Variants in GK5 observed in about 807,000 individuals in gnomAD.
The protein encoded by GK5 is glycerol kinase 5, also known as ATP:glycerol 3-phosphotransferase 5.
GK5 carries 39 observed loss-of-function variants against 77.3 expected under a neutral mutation model. The ratio of observed to expected loss-of-function variants is 0.50; its 90% CI spans 0.39 to 0.66. The LOEUF is 0.66. Ranked by LOEUF, GK5 falls within the 30% of genes least tolerant of loss-of-function variation. GK5 has a pLI of 0.00. For synonymous variants in GK5, 211 were observed against 208.0 expected (o/e 1.01, Z -0.13); for missense variants, 487 against 633.8 (o/e 0.77, Z 2.49).
chr3:142,193,874 G>A (rs971942974), intron 5 of GK5, among the ~76,000 whole-genome samples: 1 of 152,028 alleles, frequency 6.6e-6, no homozygotes, highest in Non-Finnish European at 1.5e-5. Context: ...CCACATAGCT[G>A]GGATTACAGG....
chr3:142,220,452 G>A (rs373774005), intron 1 of GK5, among the ~76,000 whole-genome samples: 5 of 152,086 alleles, frequency 3.3e-5, no homozygotes, highest in East Asian at 1.9e-4. Context: ...TTTTTAATAC[G>A]AACAGTGAGT....
chr3:142,216,121 T>TA (rs1335876771), intron 1 of GK5, among the ~76,000 whole-genome samples: 1 of 152,144 alleles, frequency 6.6e-6, no homozygotes, highest in Non-Finnish European at 1.5e-5. Flanking sequence ...TGTGGACTCT[T>TA]AAAAAGTATA....
At chr3:142,184,153 C>T (rs576043395) in intron 9 of GK5, among the ~76,000 whole-genome samples, 5 of 144,378 alleles carry the variant, frequency 3.5e-5, no homozygotes, top group African/African-American at 1.0e-4. Flanking sequence ...CCCAGCTACT[C>T]GGGAGGCTGA....
chr3:142,211,720 C>T (rs948254640), intron 3 of GK5, among the ~76,000 whole-genome samples: 1 of 152,084 alleles, frequency 6.6e-6, no homozygotes, highest in African/African-American at 2.4e-5. Flanking sequence ...CTTGAGCCCA[C>T]GAGTTCGAGG....
At chr3:142,179,286 T>C (rs182736854) in intron 11 of GK5, among the ~76,000 whole-genome samples, 3 of 152,352 alleles carry the variant, frequency 2.0e-5, no homozygotes, top group Non-Finnish European at 4.4e-5. Context: ...CTACAAATTT[T>C]ACTCAAAATG....
intron 1 of GK5, among the ~76,000 whole-genome samples, chr3:142,219,206 C>T (rs1362034057): frequency 6.6e-6 from 1 of 152,120 alleles, no homozygotes; most frequent in Non-Finnish European, 1.5e-5. Context: ...GGTATTTACC[C>T]TAGAGAAATT....
In GK5 at chr3:142,157,919, T is replaced by C. The variant is rs2063394847; in HGVS notation, c.*7703A>G. 1 of 152,014 alleles carries C rather than the reference T, an allele frequency of 6.6e-6. No individual in the cohort carries two copies. The highest frequency in any genetic ancestry group is 1.5e-5 in the Non-Finnish European group (1 of 68,042). 9.4% of individuals were successfully genotyped at this position (152,014 alleles called of 1,614,324 possible). A position where few individuals can be genotyped will look rare whatever the true frequency, so the allele number is the denominator to read the frequency against. On this transcript the variant is annotated 3_prime_UTR_variant, in exon 16 of 16. Transcript: ENST00000392993. The stretch of plus-strand genomic sequence containing the variant: ...CACAATTGTAGTTAACAAGTGCTAT[T>C]TCTCTGGTTGTTTTTTGTTGTTGTT...
At chr3:142,172,145 G>A (rs1226693393) in intron 13 of GK5, among the ~76,000 whole-genome samples, 14 of 152,086 alleles carry the variant, frequency 9.2e-5, no homozygotes, top group Non-Finnish European at 1.5e-5. Flanking sequence ...TCAAGTCTGA[G>A]TGGTGTTGGT....
In GK5 at chr3:142,162,213, A is replaced by G. The variant is rs1364876984; in HGVS notation, c.*3409T>C. On this transcript the variant is annotated 3_prime_UTR_variant, in exon 16 of 16. Transcript: ENST00000392993. ...TCCTAAGGTAAAATGAGGCAGAAAG[A>G]AAAGGAGTATGACACTATATTCACT... 6.6e-6 allele frequency: 1 copy of G among 152,222 alleles called. No individual in the cohort carries two copies. The highest frequency in any genetic ancestry group is 2.4e-5 in the African/African-American group (1 of 41,454). The allele number at this position is 152,222 out of a possible 1,614,324, so 9.4% of individuals were successfully genotyped here.
chr3:142,171,328 A>G, intron 14 of GK5, 91 bp downstream of exon 14: 6 of 1,158,568 alleles, frequency 5.2e-6, no homozygotes, highest in East Asian at 6.1e-5. Context: ...TGAATTATTC[A>G]GGATCTAAAA....
intron 12 of GK5, among the ~76,000 whole-genome samples, chr3:142,174,493 T>A (rs1056964416): frequency 3.3e-5 from 5 of 152,198 alleles, no homozygotes; most frequent in African/African-American, 1.2e-4. Context: ...AAATATGACT[T>A]CTTCCAGGAT....
chr3:142,202,939 AT>A (rs1464193810), intron 4 of GK5, among the ~76,000 whole-genome samples: 2 of 152,198 alleles, frequency 1.3e-5, no homozygotes, highest in Non-Finnish European at 2.9e-5. Context: ...AACAAAAAAG[AT>A]TTGAAATATG....
At chr3:142,185,802 G>GA (rs757705852) in intron 9 of GK5, 127 bp downstream of exon 9, 1,046 of 1,511,286 alleles carry the variant, frequency 6.9e-4, no homozygotes, top group Admixed American at 9.9e-4. Flanking sequence ...AACTTAAAAA[G>GA]AAAAAAAAAT....
chr3:142,202,316 A>G (rs1333045174), intron 4 of GK5, among the ~76,000 whole-genome samples: 1 of 152,208 alleles, frequency 6.6e-6, no homozygotes, highest in Non-Finnish European at 1.5e-5. Context: ...GGAAAGCAAC[A>G]GTGGCAAGAG....
At chr3:142,167,902 C>G (rs1252752855) in intron 15 of GK5, among the ~76,000 whole-genome samples, 1 of 152,170 alleles carries the variant, frequency 6.6e-6, no homozygotes, top group East Asian at 1.9e-4. Context: ...ATCCCAGCTA[C>G]TTGGGAGGCT....
intron 3 of GK5, among the ~76,000 whole-genome samples, chr3:142,210,950 T>C (rs2064181529): frequency 6.6e-6 from 1 of 152,246 alleles, no homozygotes; most frequent in South Asian, 2.1e-4. Context: ...ATCCATCCAC[T>C]TCCCAGATTA....
chr3:142,210,160 A>C (rs1268667702), intron 3 of GK5, among the ~76,000 whole-genome samples: 1 of 152,120 alleles, frequency 6.6e-6, no homozygotes, highest in Non-Finnish European at 1.5e-5. Flanking sequence ...AGATAGGGAG[A>C]AAAACAAAAA....
intron 4 of GK5, among the ~76,000 whole-genome samples, chr3:142,201,745 A>G (rs1017019038): frequency 9.9e-5 from 15 of 152,212 alleles, no homozygotes; most frequent in Non-Finnish European, 1.9e-4. Flanking sequence ...ATGTTATACT[A>G]TAGTTTTTCA....
rs1459038560 is a variant in GK5 at position 142,198,152 on chromosome 3, C to A, written c.543+650G>T. 2.6e-5 allele frequency among the ~76,000 whole-genome samples: 4 copies of A among 151,792 alleles called. No individual in the cohort carries two copies. In the East Asian group the frequency reaches 7.7e-4, roughly 29 times the overall value. ...CATAACAGCTAAAAACAGGAAATAA[C>A]CCAAATGTACATGAATAGAATAGAC... On this transcript the variant is annotated intron_variant, in intron 5 of 15. Transcript: ENST00000392993.
Sources: gnomAD v4.1 joint callset for allele counts (sites outside exome capture counted in the v4.1 genomes callset) on GRCh38, gnomAD v4.1.1 for gene constraint, MANE v1.5 for transcripts, NCBI Gene and HGNC (gene_info 2026-07-23, HGNC 2026-07-21) for gene names.